KANK2: variants seen among roughly 807,000 people sequenced by gnomAD.
The protein encoded by KANK2 is KN motif and ankyrin repeat domain-containing protein 2.
Under a neutral mutation model 74.6 loss-of-function variants are expected in KANK2, and 41 were observed. The ratio of observed to expected loss-of-function variants is 0.55; its 90% CI spans 0.43 to 0.71. KANK2 has a LOEUF of 0.71. Among genes scored for constraint, KANK2 ranks in the 30% least tolerant of loss-of-function variants. The pLI is 0.00. For synonymous variants in KANK2, 537 were observed against 519.0 expected, an observed-to-expected ratio of 1.03 and a Z score of -0.47; for missense variants, 1,148 against 1,196.4, an observed-to-expected ratio of 0.96 and a Z score of 0.60.
chr19:11,188,599 T>C (rs1390001299), intron 4 of KANK2, among the ~76,000 whole-genome samples: 1 of 151,842 alleles, frequency 6.6e-6, no homozygotes, highest in Admixed American at 6.6e-5. Flanking sequence ...AGCCTTTGCT[T>C]ATCTCAGGGC....
At chr19:11,182,342 A>C (rs1469725806) in intron 4 of KANK2, among the ~76,000 whole-genome samples, 1 of 151,244 alleles carries the variant, frequency 6.6e-6, no homozygotes, top group Non-Finnish European at 1.5e-5. Context: ...ACATAGCAAG[A>C]CTCTATCTCT....
chr19:11,194,649 T>C, intron 2 of KANK2, 59 bp from the exon 3 acceptor site: 1 of 651,434 alleles, frequency 1.5e-6, no homozygotes, highest in Non-Finnish European at 2.8e-6. Flanking sequence ...GGGGAGGAGA[T>C]GAGGCCAGCC....
At chr19:11,169,614 A>G in intron 12 of KANK2, 2 of 573,134 alleles carry the variant, frequency 3.5e-6, no homozygotes, top group African/African-American at 1.9e-5. Context: ...CAGCCTGACC[A>G]TCATGGTGAA....
chr19:11,166,562 T>A lies in KANK2; in HGVS notation c.2552A>T (p.Glu851Val). Residue 851 changes from glutamate to valine, a missense_variant, in exon 13 of 13, where the codon GAG (glutamate) becomes GTG (valine). By Grantham distance (121) the Glu-to-Val change is moderately radical. Coordinates refer to ENST00000586659, the MANE Select transcript of KANK2 (RefSeq NM_001136191.3). ...TGGTCCCCGCCTCCCTCACGGCTAC[T>A]CTTCTGCCGAGGATGATGTAGGGCT... is the stretch of plus-strand genomic sequence containing the variant. The part of the protein sequence containing the change: ...DESPTSSSAE[E>V] 5 of 1,614,074 alleles carry A rather than the reference T, an allele frequency of 3.1e-6. No homozygotes were observed. The highest frequency in any genetic ancestry group is 4.2e-6 in the Non-Finnish European group (5 of 1,179,918).
chr19:11,180,008 A>C (rs1357518302), intron 4 of KANK2, among the ~76,000 whole-genome samples: 2 of 152,200 alleles, frequency 1.3e-5, no homozygotes, highest in African/African-American at 4.8e-5. Flanking sequence ...GTAAAGGCGC[A>C]TGCCACTGTG....
chr19:11,177,036 G>C (rs896181228), intron 6 of KANK2, among the ~76,000 whole-genome samples: 4 of 152,022 alleles, frequency 2.6e-5, no homozygotes, highest in African/African-American at 9.7e-5. Context: ...CATGCTCGGG[G>C]GGAGGGGCAC....
intron 4 of KANK2, among the ~76,000 whole-genome samples, chr19:11,189,603 C>CAAAAAAA (rs56203270): frequency 1.2e-4 from 5 of 43,126 alleles, no homozygotes; most frequent in Non-Finnish European, 1.6e-4. Flanking sequence ...GACTCTGTCT[C>CAAAAAAA]AAAAAAAAAA....
At position 11,165,571 on chromosome 19, in the gene KANK2, T is replaced by TC. The variant is rs2078006025; in HGVS notation, c.*986dup. 6.6e-6 allele frequency: 1 copy of TC among 152,026 alleles called. No individual in the cohort carries two copies. Among genetic ancestry groups the TC allele is most frequent in the Non-Finnish European group, 1.5e-5 (1 of 68,004 alleles). The allele number at this position is 152,026 out of a possible 1,614,324, so 9.4% of individuals were successfully genotyped here. A position where few individuals can be genotyped will look rare whatever the true frequency, so the allele number is the denominator to read the frequency against. On this transcript the variant is annotated 3_prime_UTR_variant, in exon 13 of 13. Coordinates refer to ENST00000586659, the MANE Select transcript of KANK2 (RefSeq NM_001136191.3). ...GGGAGGGGTTTCTGGGTAATTTGTC[T>TC]CTTTTTCTTTTCTTTCTTGAGACAG...
At chr19:11,176,866 A>G (rs2078357132) in intron 6 of KANK2, 49 bp from the exon 7 acceptor site, 1 of 1,482,770 alleles carries the variant, frequency 6.7e-7, no homozygotes, top group African/African-American at 1.4e-5. Context: ...TGGGATGAGA[A>G]ATGGTGGGAA....
chr19:11,186,897 G>A (rs1226318933), intron 4 of KANK2, among the ~76,000 whole-genome samples: 3 of 152,156 alleles, frequency 2.0e-5, no homozygotes, highest in Admixed American at 2.0e-4. Flanking sequence ...GTCGTGTGAA[G>A]ATGACTCCAG....
In KANK2 at chr19:11,194,510, ATCT is replaced by A. The variant is rs761898153; in HGVS notation, c.-2_1del. On this transcript the variant is annotated start_lost and start_retained_variant and 5_prime_UTR_variant, in exon 3 of 13. Coordinates refer to ENST00000586659, the MANE Select transcript of KANK2 (RefSeq NM_001136191.3). ...AGCAGGCACGTGCAGGACCTGGGCC[ATCT>A]TCTTTTCTACAGATGCTCCTTGGAA... The A allele has an allele frequency of 1.8e-4, 295 of 1,612,388 alleles. 1 individual carries two copies. Among genetic ancestry groups the A allele is most frequent in the Non-Finnish European group, 2.4e-4 (282 of 1,179,222 alleles).
chr19:11,173,146 T>C, intron 9 of KANK2, 23 bp from the exon 10 acceptor site: 2 of 1,602,508 alleles, frequency 1.2e-6, no homozygotes, highest in Non-Finnish European at 1.7e-6. Flanking sequence ...GTGTGAACCC[T>C]CAGACCAGGG....
intron 12 of KANK2, among the ~76,000 whole-genome samples, chr19:11,168,304 T>G (rs1432166609): frequency 7.0e-6 from 1 of 143,834 alleles, no homozygotes; most frequent in Non-Finnish European, 1.5e-5. Context: ...ACGCCTGGCC[T>G]CTTTCTTTTT....
chr19:11,176,471 T>G, intron 7 of KANK2, 107 bp downstream of exon 7: 2 of 1,281,646 alleles, frequency 1.6e-6, no homozygotes, highest in Non-Finnish European at 2.1e-6. Flanking sequence ...GACTAAAGTG[T>G]GCATGACTGA....
rs553415253 is a variant in KANK2 at position 11,172,100 on chromosome 19, C to T, written c.2211+881G>A. Among the ~76,000 whole-genome samples, 292 of 148,046 alleles carry T rather than the reference C, an allele frequency of 2.0e-3. 1 individual carries two copies. The highest frequency in any genetic ancestry group is 7.8e-3 in the Middle Eastern group (2 of 258). On this transcript the variant is annotated intron_variant, in intron 10 of 12. Coordinates refer to ENST00000586659, the MANE Select transcript of KANK2 (RefSeq NM_001136191.3). ...AAGCGATTCTCCTGCCTCAGCCTCC[C>T]GAGTGGCTGGGATTATAGGCACGTG...
rs2077994620 is a variant in KANK2 at position 11,165,079 on chromosome 19, CAAGA to C, written c.*1475_*1478del. On this transcript the variant is annotated 3_prime_UTR_variant, in exon 13 of 13. Transcript: ENST00000586659. ...TCTGTTGCTCACCAAGGAAAAGGCA[CAAGA>C]AAGACAATGATGTGGAGATTCTTAG... 1 of 152,118 alleles carries C rather than the reference CAAGA, an allele frequency of 6.6e-6. No individual in the cohort carries two copies. Among genetic ancestry groups the C allele is most frequent in the Non-Finnish European group, 1.5e-5 (1 of 68,034 alleles). The allele number at this position is 152,118 out of a possible 1,614,324, so 9.4% of individuals were successfully genotyped here. A position where few individuals can be genotyped will look rare whatever the true frequency, so the allele number is the denominator to read the frequency against.
intron 4 of KANK2, 38 bp downstream of exon 4, chr19:11,192,793 C>CGG (rs767563543): frequency 2.0e-5 from 31 of 1,576,204 alleles, no homozygotes; most frequent in Middle Eastern, 3.4e-4. Flanking sequence ...GCCCCCCCCC[C>CGG]CCAAGCCATT....
At chr19:11,176,311 G>A (rs180695160) in intron 7 of KANK2, among the ~76,000 whole-genome samples, 332 of 152,310 alleles carry the variant, frequency 2.2e-3, no homozygotes, top group Non-Finnish European at 3.7e-3. Flanking sequence ...TAGAGGAAAC[G>A]TCCCAAAGTA....
chr19:11,181,463 T>C (rs2078516887), intron 4 of KANK2, among the ~76,000 whole-genome samples: 1 of 152,030 alleles, frequency 6.6e-6, no homozygotes, highest in African/African-American at 2.4e-5. Flanking sequence ...GCCAGGGTGA[T>C]CTTGAACTCC....
Sources: gnomAD v4.1 joint callset for allele counts (sites outside exome capture counted in the v4.1 genomes callset) on GRCh38, gnomAD v4.1.1 for gene constraint, MANE v1.5 for transcripts, NCBI Gene and HGNC (gene_info 2026-07-23, HGNC 2026-07-21) for gene names.